COL23A1: variants seen among roughly 807,000 people sequenced by gnomAD.
COL23A1 encodes collagen alpha-1(XXIII) chain.
Under a neutral mutation model 99.3 loss-of-function variants are expected in COL23A1, and 97 were observed. That is an observed-to-expected ratio of 0.98 (90% CI 0.83 to 1.16). The LOEUF (loss-of-function observed/expected upper bound fraction) is 1.16. Among genes scored for constraint, COL23A1 ranks in the 50% most tolerant of loss-of-function variants. COL23A1 has a pLI of 0.00. For synonymous variants in COL23A1, 320 were observed against 308.2 expected, an observed-to-expected ratio of 1.04 and a Z score of -0.40; for missense variants, 762 against 757.4, an observed-to-expected ratio of 1.01 and a Z score of -0.07.
chr5:178,269,353 AC>A (rs1756101490), intron 6 of COL23A1, among the ~76,000 whole-genome samples: 1 of 38,130 alleles, frequency 2.6e-5, no homozygotes. Flanking sequence ...CCATCCACCC[AC>A]CCACCCATCC....
chr5:178,257,626 C>T (rs1765380486), intron 12 of COL23A1, 59 bp from the exon 13 acceptor site: 3 of 1,517,902 alleles, frequency 2.0e-6, no homozygotes, highest in African/African-American at 2.8e-5. Flanking sequence ...GTGGGCCCCT[C>T]CCTCCTCTGG....
chr5:178,373,561 C>A (rs927609090), intron 2 of COL23A1, among the ~76,000 whole-genome samples: 4 of 152,140 alleles, frequency 2.6e-5, no homozygotes, highest in African/African-American at 9.7e-5. Context: ...GGACTACAGG[C>A]TCCTGCCATC....
intron 2 of COL23A1, among the ~76,000 whole-genome samples, chr5:178,512,148 A>C (rs1759239885): frequency 6.6e-6 from 1 of 152,244 alleles, no homozygotes; most frequent in East Asian, 1.9e-4. Flanking sequence ...TAAGCAGAAA[A>C]CTGGAAACAG....
intron 2 of COL23A1, among the ~76,000 whole-genome samples, chr5:178,455,194 C>T (rs538417514): frequency 6.6e-6 from 1 of 152,360 alleles, no homozygotes; most frequent in South Asian, 2.1e-4. Context: ...GGGGGGGACA[C>T]AGTTCAACCC....
rs2913763 is a variant in COL23A1, at chr5:178,306,050, C to A, written c.406+825G>T. 6.6e-6 allele frequency among the ~76,000 whole-genome samples: 1 copy of A among 151,828 alleles called. No individual in the cohort carries two copies. Among genetic ancestry groups the A allele is most frequent in the Non-Finnish European group, 1.5e-5 (1 of 67,950 alleles). On this transcript the variant is annotated intron_variant, in intron 3 of 28. Transcript: ENST00000390654. This position sits in a 1 kb window ranked among gnomAD's most constrained non-coding sequence, Gnocchi z 4.1. ...GGAGAGGACATGGTCAGTGTCACAG[C>A]AGTGGGAGACTGTGGGAGAGAGGAG...
chr5:178,383,539 A>G (rs754494070), intron 2 of COL23A1, among the ~76,000 whole-genome samples: 10 of 152,198 alleles, frequency 6.6e-5, no homozygotes, highest in Non-Finnish European at 1.2e-4. Context: ...TGGTTACCCC[A>G]TTCTCCAGGG....
intron 8 of COL23A1, among the ~76,000 whole-genome samples, chr5:178,267,062 C>A (rs1425726393): frequency 6.6e-6 from 1 of 152,240 alleles, no homozygotes; most frequent in East Asian, 1.9e-4. Flanking sequence ...CACTGTCCAG[C>A]ATCCACAGTG....
At chr5:178,433,524 T>C (rs925513589) in intron 2 of COL23A1, among the ~76,000 whole-genome samples, 3 of 152,008 alleles carry the variant, frequency 2.0e-5, no homozygotes, top group African/African-American at 7.2e-5. Flanking sequence ...TGGCAATTGG[T>C]GATTAAACTC....
Position 178,255,151 on chromosome 5 carries a change from C to T in COL23A1, c.883-125G>A, listed in dbSNP as rs553995455. ...GAAGAGCCTCGTCACCCAGGCTGCA[C>T]GCATGCCCCTCCCCAGGGTGGATGG... On this transcript the variant is annotated intron_variant, in intron 15 of 28. Transcript: ENST00000390654. The surrounding 1 kb of genome is among the most constrained non-coding windows in gnomAD (Gnocchi z 4.2). The T allele has an allele frequency of 9.1e-6, 7 of 767,070 alleles. No individual in the cohort carries two copies. The highest frequency in any genetic ancestry group is 2.6e-5 in the East Asian group (1 of 38,164). The allele number at this position is 767,070 out of a possible 1,614,324, so 47.5% of individuals were successfully genotyped here.
intron 19 of COL23A1, among the ~76,000 whole-genome samples, chr5:178,248,691 C>T (rs1481932291): frequency 6.6e-6 from 1 of 152,214 alleles, no homozygotes; most frequent in Non-Finnish European, 1.5e-5. Context: ...TCAGCCCAGC[C>T]ACGCATGCCC....
At chr5:178,448,445 C>A (rs11956256) in intron 2 of COL23A1, among the ~76,000 whole-genome samples, 20,038 of 135,736 alleles carry the variant, frequency 0.15, 2,016 homozygotes, top group African/African-American at 0.27. Flanking sequence ...TAGTCGCAGT[C>A]CGTTTTGTTC....
rs895786719 is a variant in COL23A1 at position 178,468,255 on chromosome 5, C to T, written c.361+92427G>A. On this transcript the variant is annotated intron_variant, in intron 2 of 28. Coordinates refer to ENST00000390654, the MANE Select transcript of COL23A1 (RefSeq NM_173465.4). The surrounding 1 kb of genome is among the most constrained non-coding windows in gnomAD (Gnocchi z 4.2). ...AGAAGCCACGGCAAGCCGCCAGTGT[C>T]GAGCAGAGGGCCCCTGCAGGAAGAT... is the stretch of plus-strand genomic sequence containing the variant. 5.0e-4 allele frequency among the ~76,000 whole-genome samples: 76 copies of T among 151,682 alleles called. No homozygotes were observed. The highest frequency in any genetic ancestry group is 1.7e-3 in the African/African-American group (70 of 41,230).
chr5:178,287,286 C>T (rs1052349794), intron 5 of COL23A1, among the ~76,000 whole-genome samples: 21 of 152,302 alleles, frequency 1.4e-4, no homozygotes, highest in African/African-American at 3.6e-4. Context: ...GGGAGCTGCC[C>T]GGACTGCCTG....
At chr5:178,566,721 C>T (rs1022099725) in intron 1 of COL23A1, among the ~76,000 whole-genome samples, 1 of 151,972 alleles carries the variant, frequency 6.6e-6, no homozygotes. Context: ...GAGGCTGAGG[C>T]AGGAGAATCA....
intron 2 of COL23A1, among the ~76,000 whole-genome samples, chr5:178,532,099 G>A (rs968779213): frequency 1.3e-5 from 2 of 152,188 alleles, no homozygotes; most frequent in African/African-American, 2.4e-5. Flanking sequence ...GAGCTCACTC[G>A]GAGACTCCCC....
chr5:178,451,398 G>A (rs1581414291), intron 2 of COL23A1, among the ~76,000 whole-genome samples: 1 of 152,168 alleles, frequency 6.6e-6, no homozygotes, highest in Non-Finnish European at 1.5e-5. Context: ...GCTCACACCT[G>A]TAATCCCAGC....
In COL23A1 at chr5:178,590,309, G is replaced by C; in HGVS notation, c.-112C>G. On this transcript the variant is annotated 5_prime_UTR_variant, in exon 1 of 29. Coordinates refer to ENST00000390654, the MANE Select transcript of COL23A1 (RefSeq NM_173465.4). This position sits in a 1 kb window ranked among gnomAD's most constrained non-coding sequence, Gnocchi z 5.7. ...AGGCACGAGGTCCGCCGGGCGCGGGGGTTAGCCTCCGGGTAGCAGCGGATC... is the reference window on the plus strand; with the variant it reads ...AGGCACGAGGTCCGCCGGGCGCGGGCGTTAGCCTCCGGGTAGCAGCGGATC... 1 of 995,066 alleles carries C rather than the reference G, an allele frequency of 1.0e-6. No homozygotes were observed. Among genetic ancestry groups the C allele is most frequent in the Non-Finnish European group, 1.3e-6 (1 of 794,928 alleles). 61.6% of individuals were successfully genotyped at this position (995,066 alleles called of 1,614,324 possible).
intron 10 of COL23A1, 124 bp from the exon 11 acceptor site, chr5:178,261,872 G>T: frequency 1.2e-6 from 1 of 846,750 alleles, no homozygotes; most frequent in African/African-American, 1.7e-5. Flanking sequence ...CTGGGCTGCC[G>T]TCAGAAGCAG....
At chr5:178,265,266 C>T (rs927790262) in intron 8 of COL23A1, among the ~76,000 whole-genome samples, 3 of 152,212 alleles carry the variant, frequency 2.0e-5, no homozygotes, top group African/African-American at 7.2e-5. Flanking sequence ...GGGCCAGGGT[C>T]CTGATCAAAA....
Sources: gnomAD v4.1 joint callset for allele counts (sites outside exome capture counted in the v4.1 genomes callset) on GRCh38, gnomAD v4.1.1 for gene constraint, Gnocchi (gnomAD v3.1) non-coding constraint, MANE v1.5 for transcripts, NCBI Gene and HGNC (gene_info 2026-07-23, HGNC 2026-07-21) for gene names.